QKI: variants seen among roughly 807,000 people sequenced by gnomAD.
The protein encoded by QKI is QKI, KH domain containing RNA binding, also known as KH domain-containing RNA-binding protein QKI.
In QKI, 10 loss-of-function variants were observed where a neutral mutation model predicts 39.0. That is an observed-to-expected ratio of 0.26 (90% CI 0.16 to 0.43). QKI has a LOEUF of 0.43. Among genes scored for constraint, QKI ranks in the 20% least tolerant of loss-of-function variants. QKI has a pLI of 1.00. For synonymous variants in QKI, 204 were observed against 155.4 expected (o/e 1.31, Z -2.33); for missense variants, 218 against 428.0 (o/e 0.51, Z 4.33).
chr6:163,519,693 A>G (rs1451319569), intron 3 of QKI, among the ~76,000 whole-genome samples: 1 of 151,984 alleles, frequency 6.6e-6, no homozygotes, highest in African/African-American at 2.4e-5. Flanking sequence ...TTTCAAAAAG[A>G]TGTTTTCTCC....
chr6:163,556,754 A>T (rs1388976295), intron 4 of QKI, among the ~76,000 whole-genome samples: 2 of 152,066 alleles, frequency 1.3e-5, no homozygotes, highest in African/African-American at 4.8e-5. Context: ...GTGTTATAGA[A>T]TCTGTGGTGT....
intron 6 of QKI, 120 bp downstream of exon 6, chr6:163,563,839 C>T (rs779614535): frequency 4.7e-5 from 69 of 1,474,936 alleles, no homozygotes; most frequent in African/African-American, 1.3e-4. Flanking sequence ...TAGGGAAGAC[C>T]GAAAACTAAA....
chr6:163,418,586 T>C (rs1787736401), intron 1 of QKI, among the ~76,000 whole-genome samples: 1 of 152,084 alleles, frequency 6.6e-6, no homozygotes, highest in Non-Finnish European at 1.5e-5. Context: ...ACATTTTAGG[T>C]TGGGCCCATC....
chr6:163,416,278 G>A, intron 1 of QKI: 1 of 222,362 alleles, frequency 4.5e-6, no homozygotes, highest in Non-Finnish European at 9.3e-6. Context: ...GATTAATGTT[G>A]ACCAACTTTG....
rs531530309 is a variant in QKI, at chr6:163,476,434, A to G, written c.286-2346A>G. On this transcript the variant is annotated intron_variant, in intron 2 of 7. Transcript: ENST00000361752. Reference sequence around the variant, plus strand: ...CATTGTTTAAGTGTGAAACAATGAAAATCTGAATTAGGAGCTTGTGTTCAT... The same window carrying G: ...CATTGTTTAAGTGTGAAACAATGAAGATCTGAATTAGGAGCTTGTGTTCAT... 1.0e-3 allele frequency among the ~76,000 whole-genome samples: 159 copies of G among 152,246 alleles called. 9 individuals are homozygous for G. In the South Asian group the frequency reaches 0.032, roughly 30 times the overall value.
rs150288949 is a variant in QKI, at chr6:163,531,547, A to G, written c.403-3435A>G. Among the ~76,000 whole-genome samples the G allele has an allele frequency of 4.6e-5, 7 of 152,352 alleles. 1 individual carries two copies. Among genetic ancestry groups the G allele is most frequent in the South Asian group, 2.1e-4 (1 of 4,826 alleles). On this transcript the variant is annotated intron_variant, in intron 3 of 7. Coordinates refer to ENST00000361752, the MANE Select transcript of QKI (RefSeq NM_006775.3). Reference sequence around the variant, plus strand: ...CCTCAGTATTTTTGGGGTGGATTGCAAGGAAATAAGTTTCTTTCTTAACTA... The same window carrying G: ...CCTCAGTATTTTTGGGGTGGATTGCGAGGAAATAAGTTTCTTTCTTAACTA...
chr6:163,564,377 C>T, intron 6 of QKI: 1 of 1,222,432 alleles, frequency 8.2e-7, no homozygotes, highest in South Asian at 2.0e-5. Context: ...TCTTATGGGA[C>T]CACATAGTAT....
chr6:163,507,422 G>C (rs1779166457), intron 3 of QKI, among the ~76,000 whole-genome samples: 1 of 152,176 alleles, frequency 6.6e-6, no homozygotes, highest in Non-Finnish European at 1.5e-5. Context: ...AGCAGAGTCT[G>C]AAATAGAGTT....
intron 7 of QKI, chr6:163,568,672 A>G: frequency 2.0e-6 from 2 of 980,540 alleles, no homozygotes; most frequent in Non-Finnish European, 2.4e-6. Context: ...TTATTAGTAT[A>G]AGCATTCATT....
intron 1 of QKI, among the ~76,000 whole-genome samples, chr6:163,444,954 A>C (rs752161014): frequency 6.6e-6 from 1 of 152,138 alleles, no homozygotes; most frequent in East Asian, 1.9e-4. Flanking sequence ...TCTGTCACCC[A>C]GGCGAGTGCA....
At chr6:163,482,654 AC>A (rs1793164167) in intron 3 of QKI, among the ~76,000 whole-genome samples, 1 of 152,202 alleles carries the variant, frequency 6.6e-6, no homozygotes, top group Admixed American at 6.5e-5. Flanking sequence ...AAAGGATATT[AC>A]AAAGGATACC....
rs1334302426 is a variant in QKI, at chr6:163,516,134, T to TAGGAG, written c.403-18848_403-18847insAGGAG. ...TTTTGTGGGTCCTTCATTAATGTCT[T>TAGGAG]TCCTTAGGAGTGCAGGCAATTTTTA... On this transcript the variant is annotated intron_variant, in intron 3 of 7. Coordinates refer to ENST00000361752, the MANE Select transcript of QKI (RefSeq NM_006775.3). Among the ~76,000 whole-genome samples, 4 of 152,150 alleles carry TAGGAG rather than the reference T, an allele frequency of 2.6e-5. No individual in the cohort carries two copies. The East Asian group carries it at 5.8e-4, about 22-fold the overall frequency.
At chr6:163,460,500 C>G (rs1791268393) in intron 2 of QKI, among the ~76,000 whole-genome samples, 1 of 152,100 alleles carries the variant, frequency 6.6e-6, no homozygotes, top group Admixed American at 6.6e-5. Context: ...AGTTCTCTTT[C>G]TGTTTCATTT....
At chr6:163,550,589 T>C (rs6934899) in intron 4 of QKI, among the ~76,000 whole-genome samples, 2,995 of 152,248 alleles carry the variant, frequency 0.02, 98 homozygotes, top group African/African-American at 0.068. Context: ...TGCCTTTTTT[T>C]CACCACTAAC....
At chr6:163,505,920 T>C (rs538170293) in intron 3 of QKI, among the ~76,000 whole-genome samples, 3 of 152,208 alleles carry the variant, frequency 2.0e-5, no homozygotes, top group Non-Finnish European at 2.9e-5. Context: ...TCTTCTTGAA[T>C]TGTAATTCCC....
chr6:163,481,684 GTTA>G (rs1793088114), intron 3 of QKI, among the ~76,000 whole-genome samples: 1 of 152,144 alleles, frequency 6.6e-6, no homozygotes, highest in Non-Finnish European at 1.5e-5. Flanking sequence ...TTCTTGGATT[GTTA>G]TTATTTCAGC....
At chr6:163,519,244 A>G (rs1780006473) in intron 3 of QKI, among the ~76,000 whole-genome samples, 1 of 152,288 alleles carries the variant, frequency 6.6e-6, no homozygotes, top group Middle Eastern at 3.4e-3. Flanking sequence ...TCAGTAGCAC[A>G]TAGTACTATG....
chr6:163,427,048 G>T (rs1223785939), intron 1 of QKI, among the ~76,000 whole-genome samples: 2 of 152,004 alleles, frequency 1.3e-5, no homozygotes, highest in Non-Finnish European at 1.5e-5. Flanking sequence ...GCCTGTTCTG[G>T]AGCTACACTT....
In QKI at chr6:163,504,764, T is replaced by G. The variant is rs138914540; in HGVS notation, c.402+25868T>G. Among the ~76,000 whole-genome samples, 871 of 152,330 alleles carry G rather than the reference T, an allele frequency of 5.7e-3. 2 individuals carry two copies. The highest frequency in any genetic ancestry group is 9.3e-3 in the Non-Finnish European group (631 of 68,026). On this transcript the variant is annotated intron_variant, in intron 3 of 7. Coordinates refer to ENST00000361752, the MANE Select transcript of QKI (RefSeq NM_006775.3). ...AGCCTTTTGGCAGTCTTTAGTGTTC[T>G]CTAGGTATCAAATCATATTGTTAGC...
Sources: allele counts gnomAD v4.1 joint callset (sites outside exome capture counted in the v4.1 genomes callset), GRCh38; gene constraint gnomAD v4.1.1; transcripts MANE v1.5; gene names NCBI Gene and HGNC (gene_info 2026-07-23, HGNC 2026-07-21).